The following DNAJB1 variants were observed in gnomAD, a reference collection of about 807,000 sequenced individuals.
The protein encoded by DNAJB1 is dnaJ homolog subfamily B member 1.
Under a neutral mutation model 24.0 loss-of-function variants are expected in DNAJB1, and 14 were observed. That is an observed-to-expected ratio of 0.58 (90% CI 0.39 to 0.91). DNAJB1 has a LOEUF of 0.91. Ranked by LOEUF, DNAJB1 falls within the 40% of genes least tolerant of loss-of-function variation. The pLI, the probability that DNAJB1 is intolerant of heterozygous loss-of-function variation, is 0.00. For synonymous variants in DNAJB1, 262 were observed against 174.4 expected, an observed-to-expected ratio of 1.50 and a Z score of -3.96; for missense variants, 517 against 458.1, an observed-to-expected ratio of 1.13 and a Z score of -1.17.
chr19:14,558,952 TG>T (rs922384985), intron 1 of DNAJB1, among the ~76,000 whole-genome samples: 8 of 152,332 alleles, frequency 5.3e-5, no homozygotes, highest in Admixed American at 3.9e-4. Context: ...TGGGAGCCCC[TG>T]CCCCCTGTTG....
rs79129678 is a variant in DNAJB1 at position 14,558,155 on chromosome 19, A to G, written c.-2166+1876T>C. ...GCCCACTTTGCCATGAGTAGATGGA[A>G]GTTCAGAGAGGTTGGGTAACTTGCC... On this transcript the variant is annotated intron_variant, in intron 1 of 5. Transcript: ENST00000679223. Among the ~76,000 whole-genome samples the G allele has an allele frequency of 2.8e-3, 428 of 152,262 alleles. 4 individuals are homozygous for G. Among genetic ancestry groups the G allele is most frequent in the African/African-American group, 9.9e-3 (411 of 41,546 alleles).
intron 1 of DNAJB1, chr19:14,517,267 T>G: frequency 1.8e-6 from 1 of 543,190 alleles, no homozygotes; most frequent in East Asian, 3.1e-5. Flanking sequence ...AAAGGACTCA[T>G]GCGGTTAGGT....
chr19:14,543,806 G>A (rs573434016), intron 1 of DNAJB1, among the ~76,000 whole-genome samples: 1 of 151,476 alleles, frequency 6.6e-6, no homozygotes, highest in East Asian at 1.9e-4. Flanking sequence ...TGGTATGATC[G>A]CAGCTCATTG....
intron 1 of DNAJB1, among the ~76,000 whole-genome samples, chr19:14,550,068 A>G (rs772059715): frequency 2.6e-5 from 4 of 151,858 alleles, no homozygotes; most frequent in Non-Finnish European, 2.9e-5. Context: ...ATAGCGATTT[A>G]TTTCATTGTC....
In DNAJB1 at chr19:14,515,359, TTG is replaced by T. The variant is rs2072236803; in HGVS notation, c.*579_*580del. 2.6e-5 allele frequency: 4 copies of T among 152,926 alleles called. No homozygotes were observed. Among genetic ancestry groups the T allele is most frequent in the Admixed American group, 6.6e-5 (1 of 15,266 alleles). The allele number at this position is 152,926 out of a possible 1,614,324, so 9.5% of individuals were successfully genotyped here. A position where few individuals can be genotyped will look rare whatever the true frequency, so the allele number is the denominator to read the frequency against. ...AGTCACTCACTGGAGGCTGGCTCCC[TTG>T]GTCCTGCTGGAACGAGAGGTATTGC... On this transcript the variant is annotated 3_prime_UTR_variant, in exon 3 of 3. Transcript: ENST00000254322.
At chr19:14,530,111 C>T (rs534976143), upstream of DNAJB1, 2 of 330,416 alleles carry the variant, frequency 6.1e-6, no homozygotes, top group East Asian at 7.4e-5. Context: ...TAGGAAGGGG[C>T]TTTGCTATCA....
At position 14,516,701 on chromosome 19, in the gene DNAJB1, G is replaced by C. The variant is rs751998524; in HGVS notation, c.557C>G (p.Ser186Cys). The change falls in exon 2 of 3, where the codon TCC becomes TGC. Residue 186 changes from serine to cysteine, a missense_variant. Physicochemically the swap from Ser to Cys is moderately radical, Grantham distance 112 (BLOSUM62 -1). Transcript: ENST00000254322. ...TCCGTCGGGGTTTAGCCGCTTGTGG[G>C]AGATTTTCATCTTCTTGGTACAGCC... ...YSGCTKKMKISHKRLNPDGKS... is the reference protein window; with the variant it reads ...YSGCTKKMKICHKRLNPDGKS... 9.3e-6 allele frequency: 15 copies of C among 1,614,050 alleles called. No homozygotes were observed. The highest frequency in any genetic ancestry group is 2.2e-5 in the South Asian group (2 of 91,082).
chr19:14,538,484 G>C (rs1305734960), intron 1 of DNAJB1, among the ~76,000 whole-genome samples: 1 of 151,964 alleles, frequency 6.6e-6, no homozygotes, highest in Non-Finnish European at 1.5e-5. Flanking sequence ...AGGGCTGCCT[G>C]AGATGCTTTT....
rs756342083 is a variant in DNAJB1, at chr19:14,518,187, G to C, written c.163C>G (p.Leu55Val). ...ATCTCGCGCTTGCGCGGGTCGCTGA[G>C]CACGTCGTAGGCCTCAGCGATCTCC... ...FKEIAEAYDVLSDPRKREIFD... is the reference protein window; with the variant it reads ...FKEIAEAYDVVSDPRKREIFD... The change falls in exon 1 of 3, where the codon CTC (leucine) becomes GTC (valine). Residue 55 changes from leucine (L) to valine (V), a missense_variant. By Grantham distance (32) the Leu-to-Val change is conservative. Transcript: ENST00000254322. The C allele has an allele frequency of 1.3e-6, 2 of 1,597,506 alleles. No individual in the cohort carries two copies. Among genetic ancestry groups the C allele is most frequent in the Non-Finnish European group, 1.7e-6 (2 of 1,172,940 alleles).
chr19:14,532,761 G>A (rs1228950863), upstream of DNAJB1, among the ~76,000 whole-genome samples: 1 of 152,026 alleles, frequency 6.6e-6, no homozygotes, highest in Non-Finnish European at 1.5e-5. Context: ...AAATAGAAAG[G>A]ATGCTTTCAC....
chr19:14,535,304 G>T (rs2072821886), intron 1 of DNAJB1, among the ~76,000 whole-genome samples: 1 of 150,986 alleles, frequency 6.6e-6, no homozygotes, highest in Non-Finnish European at 1.5e-5. Flanking sequence ...CCAGGAGATC[G>T]AGACCATCCT....
chr19:14,518,265 G>T lies in DNAJB1; in HGVS notation c.85C>A (p.Leu29Met). The T allele has an allele frequency of 6.2e-7, 1 of 1,608,032 alleles. No individual in the cohort carries two copies. ...EIKRAYRRQA[L>M]RYHPDKNKEP... ...TTGTTCTTGTCCGGGTGGTAGCGCA[G>T]CGCCTGGCGGCGGTAGGCCCGCTTG... Residue 29 changes from leucine to methionine, a missense_variant, in exon 1 of 3, where the codon CTG becomes ATG. Leu to Met is a conservative substitution (Grantham distance 15, BLOSUM62 2). Coordinates refer to ENST00000254322, the MANE Select transcript of DNAJB1 (RefSeq NM_006145.3).
At chr19:14,549,211 C>CTTTTTTTTTTT (rs561284094) in intron 1 of DNAJB1, among the ~76,000 whole-genome samples, 9 of 111,160 alleles carry the variant, frequency 8.1e-5, no homozygotes, top group African/African-American at 1.8e-4. Flanking sequence ...TTTAATTGGA[C>CTTTTTTTTTTT]TTTTTTTTTT....
At position 14,518,344 on chromosome 19, in the gene DNAJB1, A is replaced by G; in HGVS notation, c.6T>C (p.Gly2=). M[G]KDYYQTLGLA... ...GGCCCAACGTCTGGTAGTAGTCTTT[A>G]CCCATGACCCCCTCCTGCGGCCCGC... Residue 2 remains glycine (G), a synonymous_variant, in exon 1 of 3, where the codon GGT becomes GGC. Coordinates refer to ENST00000254322, the MANE Select transcript of DNAJB1 (RefSeq NM_006145.3). 6.4e-7 allele frequency: 1 copy of G among 1,567,418 alleles called. No homozygotes were observed. Among genetic ancestry groups the G allele is most frequent in the Non-Finnish European group, 8.6e-7 (1 of 1,164,086 alleles).
chr19:14,539,745 C>T (rs1480805238), intron 1 of DNAJB1, among the ~76,000 whole-genome samples: 1 of 152,122 alleles, frequency 6.6e-6, no homozygotes, highest in African/African-American at 2.4e-5. Context: ...CTTCGTGTTA[C>T]CGAGCGCTCA....
At chr19:14,550,036 G>A (rs368707854) in intron 1 of DNAJB1, among the ~76,000 whole-genome samples, 5 of 151,640 alleles carry the variant, frequency 3.3e-5, no homozygotes, top group East Asian at 3.9e-4. Context: ...CATGTCGCAC[G>A]TCACCTTTGA....
Position 14,558,330 on chromosome 19 carries a change from C to T in DNAJB1, c.-2166+1701G>A, listed in dbSNP as rs78186906. Among the ~76,000 whole-genome samples the T allele has an allele frequency of 2.8e-3, 425 of 152,310 alleles. 4 individuals carry two copies. The highest frequency in any genetic ancestry group is 9.8e-3 in the African/African-American group (408 of 41,564). ...GCCCCCATTAGTAATATCTTCATGA[C>T]CACAAAGACAGTGAAGACGGGCTCT... On this transcript the variant is annotated intron_variant, in intron 1 of 5. Coordinates refer to the DNAJB1 transcript ENST00000679223.
chr19:14,544,450 C>T (rs1013907634), intron 1 of DNAJB1, among the ~76,000 whole-genome samples: 3 of 151,962 alleles, frequency 2.0e-5, no homozygotes, highest in Non-Finnish European at 4.4e-5. Context: ...CCTCAAAAGT[C>T]ACTGCAACTG....
At chr19:14,550,355 C>A (rs563925670), upstream of DNAJB1, among the ~76,000 whole-genome samples, 9 of 152,268 alleles carry the variant, frequency 5.9e-5, no homozygotes, top group African/African-American at 2.2e-4. Flanking sequence ...GGCTCTTTGG[C>A]AAGCTGAGCT....
Sources: allele counts gnomAD v4.1 joint callset (sites outside exome capture counted in the v4.1 genomes callset), GRCh38; gene constraint gnomAD v4.1.1; transcripts MANE v1.5; gene names NCBI Gene and HGNC (gene_info 2026-07-23, HGNC 2026-07-21).